TIAM1: variants seen among roughly 807,000 people sequenced by gnomAD.
TIAM1 encodes TIAM Rac1 associated GEF 1.
TIAM1 carries 65 observed loss-of-function variants against 163.5 expected under a neutral mutation model. The ratio of observed to expected loss-of-function variants is 0.40; its 90% CI spans 0.33 to 0.49. The LOEUF is 0.49. TIAM1 is among the 20% of genes least tolerant of loss of function. The probability of loss-of-function intolerance (pLI) is 0.77; values close to 1 mark genes in which losing one functional copy is unlikely to be tolerated. For synonymous variants in TIAM1, 833 were observed against 810.1 expected, an observed-to-expected ratio of 1.03 and a Z score of -0.48; for missense variants, 1,789 against 2,044.7, an observed-to-expected ratio of 0.87 and a Z score of 2.41.
chr21:31,212,671 G>C (rs1253784941), intron 10 of TIAM1: 1 of 141,316 alleles, frequency 7.1e-6, no homozygotes, highest in African/African-American at 2.7e-5. Flanking sequence ...GGAGTGCAGT[G>C]GCTCCATCTC....
intron 13 of TIAM1, among the ~76,000 whole-genome samples, chr21:31,193,422 G>A (rs2085663011): frequency 6.6e-6 from 1 of 152,158 alleles, no homozygotes. Context: ...CCCCAGAAAA[G>A]CCCTGGGCAC....
chr21:31,280,353 A>T (rs2073494773), intron 2 of TIAM1, among the ~76,000 whole-genome samples: 1 of 152,154 alleles, frequency 6.6e-6, no homozygotes, highest in East Asian at 1.9e-4. Context: ...GTTTCCCTGC[A>T]CGAGCTCTCT....
chr21:31,404,234 C>A (rs1463590496), intron 2 of TIAM1, among the ~76,000 whole-genome samples: 1 of 151,988 alleles, frequency 6.6e-6, no homozygotes, highest in Non-Finnish European at 1.5e-5. Context: ...GAAAAGGCAA[C>A]AAAAAAGTGA....
intron 2 of TIAM1, among the ~76,000 whole-genome samples, chr21:31,366,880 A>C (rs1399286706): frequency 6.6e-6 from 1 of 152,212 alleles, no homozygotes; most frequent in Non-Finnish European, 1.5e-5. Flanking sequence ...AGCCTACCAA[A>C]GTGCTGGGAT....
chr21:31,493,937 CAG>C (rs61310914), intron 1 of TIAM1, among the ~76,000 whole-genome samples: 43,831 of 151,734 alleles, frequency 0.29, 7,477 homozygotes, highest in African/African-American at 0.48. Flanking sequence ...AAAAAAAAGA[CAG>C]AGTGTCACTC....
chr21:31,303,910 G>A (rs541300742), intron 2 of TIAM1, among the ~76,000 whole-genome samples: 20 of 152,178 alleles, frequency 1.3e-4, no homozygotes, highest in South Asian at 4.1e-4. Flanking sequence ...CCCTGGAGGC[G>A]GAGGTTGCAG....
At position 31,120,556 on chromosome 21, in the gene TIAM1, C is replaced by T. The variant is rs1053585610; in HGVS notation, c.4588G>A (p.Ala1530Thr). ...CTTTCCCGCTGACTGATGGAGGTGG[C>T]CTGAAGCCGCTCCTGCAGGTCTCTG... ...VDRDLQERLQ[A>T]TSISQRERGR... The change falls in exon 28 of 28, where the codon GCC (alanine) becomes ACC (threonine). Residue 1530 changes from alanine (A) to threonine (T), a missense_variant. Coordinates refer to ENST00000541036, the MANE Select transcript of TIAM1 (RefSeq NM_001353694.2). This position sits in a 1 kb window ranked among gnomAD's most constrained non-coding sequence, Gnocchi z 4.2. The T allele has an allele frequency of 6.2e-7, 1 of 1,614,206 alleles. No homozygotes were observed. Among genetic ancestry groups the T allele is most frequent in the Non-Finnish European group, 8.5e-7 (1 of 1,180,046 alleles).
intron 1 of TIAM1, among the ~76,000 whole-genome samples, chr21:31,496,623 T>C (rs2039093046): frequency 6.6e-6 from 1 of 152,058 alleles, no homozygotes; most frequent in Non-Finnish European, 1.5e-5. Context: ...AAAAAAAATT[T>C]TTATACATTT....
rs759367768 is a variant in TIAM1, at chr21:31,266,316, A to G, written c.657T>C (p.Ser219=). 4.3e-6 allele frequency: 7 copies of G among 1,613,822 alleles called. No homozygotes were observed. The African/African-American group carries it at 8.0e-5, about 18-fold the overall frequency. ...EEARGMETRA[S]PRQLSTCQRA... is the part of the protein sequence containing the mutation. ...TCTGACAGGTGCTGAGCTGCCGCGG[A>G]CTCGCCCGCGTTTCCATCCCCCGAG... Residue 219 remains serine (S), a synonymous_variant, in exon 4 of 28, where the codon AGT becomes AGC. Coordinates refer to ENST00000541036, the MANE Select transcript of TIAM1 (RefSeq NM_001353694.2).
At chr21:31,458,545 G>A (rs2045200179) in intron 2 of TIAM1, among the ~76,000 whole-genome samples, 1 of 152,120 alleles carries the variant, frequency 6.6e-6, no homozygotes, top group Non-Finnish European at 1.5e-5. Flanking sequence ...TTGGGAAACT[G>A]TACTTACCAG....
At chr21:31,347,144 T>C (rs1250300694), upstream of TIAM1, among the ~76,000 whole-genome samples, 1 of 152,180 alleles carries the variant, frequency 6.6e-6, no homozygotes, top group East Asian at 1.9e-4. Flanking sequence ...CCCCTGTAGA[T>C]GCTTCTAGAG....
intron 1 of TIAM1, among the ~76,000 whole-genome samples, chr21:31,341,679 A>G (rs537143039): frequency 6.6e-6 from 1 of 152,002 alleles, no homozygotes; most frequent in East Asian, 1.9e-4. Context: ...AACAGAAAGT[A>G]TATTTTAATA....
At chr21:31,406,916 A>C (rs981137179) in intron 2 of TIAM1, among the ~76,000 whole-genome samples, 2 of 152,186 alleles carry the variant, frequency 1.3e-5, no homozygotes, top group African/African-American at 4.8e-5. Context: ...AAAACACCAG[A>C]CATACCAATA....
chr21:31,295,850 T>A (rs1421795480), intron 2 of TIAM1, among the ~76,000 whole-genome samples: 1 of 152,272 alleles, frequency 6.6e-6, no homozygotes, highest in Non-Finnish European at 1.5e-5. Flanking sequence ...TGGGCTGGAG[T>A]GCAGTGGAGC....
chr21:31,314,267 T>C (rs2075031003), intron 2 of TIAM1, among the ~76,000 whole-genome samples: 1 of 152,156 alleles, frequency 6.6e-6, no homozygotes, highest in African/African-American at 2.4e-5. Context: ...AGTTTTACTA[T>C]CACAGAAAAT....
intron 2 of TIAM1, among the ~76,000 whole-genome samples, chr21:31,303,797 G>A (rs1301043055): frequency 6.6e-6 from 1 of 152,024 alleles, no homozygotes; most frequent in South Asian, 2.1e-4. Context: ...AGCCAACATA[G>A]TGAAACCTTG....
chr21:31,178,269 A>G (rs566932394), intron 15 of TIAM1, among the ~76,000 whole-genome samples: 1 of 146,202 alleles, frequency 6.8e-6, no homozygotes, highest in East Asian at 2.1e-4. Context: ...AGCAGGTCCA[A>G]TTGGGCTGCT....
chr21:31,282,719 G>A (rs999171381), intron 2 of TIAM1, among the ~76,000 whole-genome samples: 2 of 152,222 alleles, frequency 1.3e-5, no homozygotes, highest in African/African-American at 2.4e-5. Context: ...ACAGATGAAT[G>A]AGCCATGATA....
intron 1 of TIAM1, among the ~76,000 whole-genome samples, chr21:31,531,715 A>C (rs2047976593): frequency 6.6e-6 from 1 of 151,942 alleles, no homozygotes; most frequent in Non-Finnish European, 1.5e-5. Flanking sequence ...ACTAATTAAA[A>C]ACCACTAAAC....
Sources: allele counts gnomAD v4.1 joint callset (sites outside exome capture counted in the v4.1 genomes callset), GRCh38; gene constraint gnomAD v4.1.1; non-coding constraint Gnocchi (gnomAD v3.1); transcripts MANE v1.5; gene names NCBI Gene and HGNC (gene_info 2026-07-23, HGNC 2026-07-21).